The following TRIM59 variants were observed in gnomAD, a reference collection of about 807,000 sequenced individuals.
TRIM59 encodes tripartite motif-containing protein 59.
A neutral mutation model predicts 32.2 loss-of-function variants in TRIM59; 14 were observed. The observed-to-expected ratio is 0.43, with a 90% CI of 0.29 to 0.68. TRIM59 has a LOEUF of 0.68. Among genes scored for constraint, TRIM59 ranks in the 30% least tolerant of loss-of-function variants. The probability of loss-of-function intolerance (pLI) is 0.15; values close to 1 mark genes in which losing one functional copy is unlikely to be tolerated. For synonymous variants in TRIM59, 163 were observed against 155.1 expected (o/e 1.05, Z -0.38); for missense variants, 471 against 463.3 (o/e 1.02, Z -0.15).
chr3:160,449,491 C>CT, intron 1 of TRIM59: 1 of 1,204,330 alleles, frequency 8.3e-7, no homozygotes, highest in Non-Finnish European at 1.1e-6. Context: ...CACAGAGGGC[C>CT]TCCTCCCTCA....
intron 2 of TRIM59, among the ~76,000 whole-genome samples, chr3:160,446,936 T>C (rs1013864987): frequency 3.6e-5 from 3 of 84,418 alleles, no homozygotes; most frequent in African/African-American, 1.4e-4. Context: ...CACAGAAAAA[T>C]TGCCTTCCAC....
chr3:160,436,470 A>C lies in TRIM59; in HGVS notation c.*1502T>G, dbSNP rs1047210. 0.46 allele frequency: 450,889 copies of C among 985,250 alleles called. 105,267 individuals are homozygous for C. The highest frequency in any genetic ancestry group is 0.48 in the Non-Finnish European group (399,061 of 829,580). 61.0% of individuals were successfully genotyped at this position (985,250 alleles called of 1,614,324 possible). On this transcript the variant is annotated 3_prime_UTR_variant, in exon 3 of 3. Transcript: ENST00000309784. ...TGTTAAAGGGAACTAAAGGGCTTTG[A>C]TTTAATTGGCCCTCTTAAGCAAAGC... is the stretch of plus-strand genomic sequence containing the variant.
At position 160,439,139 on chromosome 3, in the gene TRIM59, A is replaced by T. The variant is rs768219140; in HGVS notation, c.45T>A (p.Ser15Arg). The T allele has an allele frequency of 6.6e-7, 1 of 1,514,474 alleles. No homozygotes were observed. Among genetic ancestry groups the T allele is most frequent in the Admixed American group, 2.3e-5 (1 of 43,832 alleles). The allele number at this position is 1,514,474 out of a possible 1,614,324, so 93.8% of individuals were successfully genotyped here. ...GCAGTACACGAGGATCTTCAAAAAT[A>T]CTATAACATATGGGACAAGTTAACT... ...EEELTCPICYSIFEDPRVLPC... is the reference protein window; with the variant it reads ...EEELTCPICYRIFEDPRVLPC... Residue 15 changes from serine (S) to arginine (R), a missense_variant, in exon 3 of 3, where the codon AGT becomes AGA. Coordinates refer to ENST00000309784, the MANE Select transcript of TRIM59 (RefSeq NM_173084.3).
In TRIM59 at chr3:160,435,879, G is replaced by C. The variant is rs1243063196; in HGVS notation, c.*2093C>G. The C allele has an allele frequency of 8.8e-7, 1 of 1,135,120 alleles. No homozygotes were observed. Among genetic ancestry groups the C allele is most frequent in the South Asian group, 1.3e-5 (1 of 77,886 alleles). 70.3% of individuals were successfully genotyped at this position (1,135,120 alleles called of 1,614,324 possible). On this transcript the variant is annotated 3_prime_UTR_variant, in exon 3 of 3. Coordinates refer to ENST00000309784, the MANE Select transcript of TRIM59 (RefSeq NM_173084.3). ...CTATATGGCCTTGGACAAGTCACTTGTCAGTTCCCTCATCTACAAAAAGGG... is the reference window on the plus strand; with the variant it reads ...CTATATGGCCTTGGACAAGTCACTTCTCAGTTCCCTCATCTACAAAAAGGG...
At chr3:160,446,517 T>C (rs1453456989) in intron 2 of TRIM59, among the ~76,000 whole-genome samples, 1 of 152,048 alleles carries the variant, frequency 6.6e-6, no homozygotes, top group Non-Finnish European at 1.5e-5. Flanking sequence ...ATTAGTTCAA[T>C]GGAAAAAAAA....
Position 160,439,632 on chromosome 3 carries a change from G to T in TRIM59, c.-3-446C>A, listed in dbSNP as rs146440478. Among the ~76,000 whole-genome samples the T allele has an allele frequency of 1.2e-4, 18 of 152,160 alleles. No individual in the cohort carries two copies. In the South Asian group the frequency reaches 3.5e-3, roughly 30 times the overall value. On this transcript the variant is annotated intron_variant, in intron 2 of 2. Coordinates refer to ENST00000309784, the MANE Select transcript of TRIM59 (RefSeq NM_173084.3). Reference sequence around the variant, plus strand: ...TAGTATCACGAGATCTGATGGTTTTGTAAGAGGAAACCCCTTTTGCTTCAC... The same window carrying T: ...TAGTATCACGAGATCTGATGGTTTTTTAAGAGGAAACCCCTTTTGCTTCAC...
At position 160,436,046 on chromosome 3, in the gene TRIM59, T is replaced by G; in HGVS notation, c.*1926A>C. 1 of 1,181,744 alleles carries G rather than the reference T, an allele frequency of 8.5e-7. No individual in the cohort carries two copies. The highest frequency in any genetic ancestry group is 1.1e-6 in the Non-Finnish European group (1 of 938,812). The allele number at this position is 1,181,744 out of a possible 1,614,324, so 73.2% of individuals were successfully genotyped here. On this transcript the variant is annotated 3_prime_UTR_variant, in exon 3 of 3. Transcript: ENST00000309784. ...TTTAAGTAATCAGTGCAACTTAGTA[T>G]TTTTATCTCTAGCTGAGTATGTGTC...
At chr3:160,443,115 C>A (rs1229084968) in intron 2 of TRIM59, among the ~76,000 whole-genome samples, 1 of 152,060 alleles carries the variant, frequency 6.6e-6, no homozygotes, top group Non-Finnish European at 1.5e-5. Context: ...CAAGACCCTG[C>A]CTTTTTTAGA....
At position 160,437,760 on chromosome 3, in the gene TRIM59, A is replaced by C; in HGVS notation, c.*212T>G. 8.2e-7 allele frequency: 1 copy of C among 1,220,534 alleles called. No homozygotes were observed. Among genetic ancestry groups the C allele is most frequent in the Non-Finnish European group, 1.0e-6 (1 of 981,218 alleles). The allele number at this position is 1,220,534 out of a possible 1,614,324, so 75.6% of individuals were successfully genotyped here. Reference sequence around the variant, plus strand: ...AAAATGGGATAGTGTATTACTTTTCAAATTGTTACTAGATTCTGTTTCCCA... The same window carrying C: ...AAAATGGGATAGTGTATTACTTTTCCAATTGTTACTAGATTCTGTTTCCCA... On this transcript the variant is annotated 3_prime_UTR_variant, in exon 3 of 3. Transcript: ENST00000309784.
At position 160,449,728 on chromosome 3, in the gene TRIM59, A is replaced by G. The variant is rs1167826052; in HGVS notation, c.-85T>C. 5 of 1,289,992 alleles carry G rather than the reference A, an allele frequency of 3.9e-6. No individual in the cohort carries two copies. The East Asian group carries it at 2.8e-4, about 72-fold the overall frequency. The allele number at this position is 1,289,992 out of a possible 1,614,324, so 79.9% of individuals were successfully genotyped here. On this transcript the variant is annotated 5_prime_UTR_variant, in exon 1 of 3. Transcript: ENST00000309784. ...GTCCTTAGACTCACCGCGGGGAGGA[A>G]GCGGACCAGGCAACTCCACAGCACG...
At position 160,439,096 on chromosome 3, in the gene TRIM59, A is replaced by G. The variant is rs1719116097; in HGVS notation, c.88T>C (p.Cys30Arg). The G allele has an allele frequency of 6.4e-7, 1 of 1,552,146 alleles. No individual in the cohort carries two copies. The highest frequency in any genetic ancestry group is 8.7e-7 in the Non-Finnish European group (1 of 1,151,304). The change falls in exon 3 of 3, where the codon TGT (cysteine) becomes CGT (arginine). Residue 30 changes from cysteine to arginine, a missense_variant. By Grantham distance (180) the Cys-to-Arg change is radical (BLOSUM62 -3). Coordinates refer to ENST00000309784, the MANE Select transcript of TRIM59 (RefSeq NM_173084.3). ...AGAATGTTTTCCAAACAATTTCTAC[A>G]AAATGTATGAGAGCATGGCAGTACA... ...PRVLPCSHTF[C>R]RNCLENILQA...
chr3:160,444,483 GAATTTCCAAAATTGGAATGGCCACAATA>G (rs1174592350), intron 2 of TRIM59, among the ~76,000 whole-genome samples: 1 of 152,212 alleles, frequency 6.6e-6, no homozygotes, highest in African/African-American at 2.4e-5. Context: ...TGGGAGACTG[GAATTTCCAAAATTGGAATGGCCACAATA>G]ATTATCTCCC....
At chr3:160,449,342 C>CAGT in intron 1 of TRIM59, 1 of 400,696 alleles carries the variant, frequency 2.5e-6, no homozygotes, top group Non-Finnish European at 4.0e-6. Context: ...CTCAAAATGG[C>CAGT]AGTACTCTTC....
intron 2 of TRIM59, among the ~76,000 whole-genome samples, chr3:160,444,582 T>TTC (rs1374917659): frequency 1.3e-5 from 2 of 152,216 alleles, no homozygotes; most frequent in Non-Finnish European, 2.9e-5. Flanking sequence ...ATGAAATCTA[T>TTC]TCTCCCCCAT....
intron 2 of TRIM59, among the ~76,000 whole-genome samples, chr3:160,444,861 A>G (rs1719439337): frequency 6.6e-6 from 1 of 152,248 alleles, no homozygotes. Context: ...TAACCAGAAC[A>G]TCACCAGCAA....
In TRIM59 at chr3:160,446,705, C is replaced by T. The variant is rs551746524; in HGVS notation, c.-4+2021G>A. Among the ~76,000 whole-genome samples the T allele has an allele frequency of 5.3e-5, 8 of 152,268 alleles. No homozygotes were observed. In the South Asian group the frequency reaches 1.7e-3, roughly 32 times the overall value. On this transcript the variant is annotated intron_variant, in intron 2 of 2. Transcript: ENST00000309784. ...CTTCCTACCCACCCTGCGCCCCCACCATGGTGGCGGGCAAGCCCACCTGAG... is the reference window on the plus strand; with the variant it reads ...CTTCCTACCCACCCTGCGCCCCCACTATGGTGGCGGGCAAGCCCACCTGAG...
At chr3:160,444,666 T>C (rs1021905124) in intron 2 of TRIM59, among the ~76,000 whole-genome samples, 4 of 152,258 alleles carry the variant, frequency 2.6e-5, no homozygotes, top group African/African-American at 9.6e-5. Flanking sequence ...GTTCTAGGTA[T>C]AGCCCTTAAC....
Position 160,438,177 on chromosome 3 carries a change from G to C in TRIM59, c.1007C>G (p.Thr336Arg), listed in dbSNP as rs751331451. Residue 336 changes from threonine (T) to arginine (R), a missense_variant, in exon 3 of 3, where the codon ACA (threonine) becomes AGA (arginine). Physicochemically the swap from Thr to Arg is moderately conservative, Grantham distance 71. Coordinates refer to ENST00000309784, the MANE Select transcript of TRIM59 (RefSeq NM_173084.3). ...CGACATCAGTATTACTGAAATTAAT[G>C]TAACTACAACAATGTTTAAAATTTT... is the stretch of plus-strand genomic sequence containing the variant. ...FLKILNIVVV[T>R]LISVILMSIL... 1 of 1,612,398 alleles carries C rather than the reference G, an allele frequency of 6.2e-7. No individual in the cohort carries two copies. The highest frequency in any genetic ancestry group is 1.1e-5 in the South Asian group (1 of 90,612).
chr3:160,449,377 C>T (rs750898993), intron 1 of TRIM59: 14 of 652,884 alleles, frequency 2.1e-5, no homozygotes, highest in Non-Finnish European at 3.0e-5. Flanking sequence ...AAGCTCCACT[C>T]TCCCAGGCCT....
Sources: gnomAD v4.1 joint callset for allele counts (sites outside exome capture counted in the v4.1 genomes callset) on GRCh38, gnomAD v4.1.1 for gene constraint, MANE v1.5 for transcripts, NCBI Gene and HGNC (gene_info 2026-07-23, HGNC 2026-07-21) for gene names.